The following WHAMM variants were observed in gnomAD, a reference collection of about 807,000 sequenced individuals.
WHAMM encodes WASP homolog-associated protein with actin, membranes and microtubules.
In WHAMM, 67 loss-of-function variants were observed where a neutral mutation model predicts 76.5. That is an observed-to-expected ratio of 0.88 (90% CI 0.72 to 1.07). The LOEUF is 1.07. Among genes scored for constraint, WHAMM ranks in the 50% least tolerant of loss-of-function variants. The pLI, the probability that WHAMM is intolerant of heterozygous loss-of-function variation, is 0.00. For synonymous variants in WHAMM, 419 were observed against 422.1 expected, an observed-to-expected ratio of 0.99 and a Z score of 0.09; for missense variants, 1,021 against 1,051.1, an observed-to-expected ratio of 0.97 and a Z score of 0.40.
chr15:82,822,865 T>C (rs935880850), intron 5 of WHAMM, among the ~76,000 whole-genome samples: 1 of 152,048 alleles, frequency 6.6e-6, no homozygotes, highest in African/African-American at 2.4e-5. Flanking sequence ...TACATGTATG[T>C]ATACATGCAT....
chr15:82,816,123 G>T (rs2050721989), intron 2 of WHAMM, among the ~76,000 whole-genome samples: 1 of 152,074 alleles, frequency 6.6e-6, no homozygotes, highest in Non-Finnish European at 1.5e-5. Flanking sequence ...TCCCATTCTT[G>T]AGGGTTCCAC....
At chr15:82,825,900 T>C (rs998345485) in intron 6 of WHAMM, among the ~76,000 whole-genome samples, 1 of 152,228 alleles carries the variant, frequency 6.6e-6, no homozygotes, top group Non-Finnish European at 1.5e-5. Context: ...CAATAAATGT[T>C]AGTATTATCT....
rs1195302138 is a variant in WHAMM at position 82,826,782 on chromosome 15, A to G, written c.1577A>G (p.Lys526Arg). ...KRDKIKEEEQ[K>R]KKEWINQERQ... is the part of the protein sequence containing the mutation. ...GACAAGATAAAAGAAGAGGAGCAAA[A>G]GAAAAAAGAATGGATCAACCAAGAA... The change falls in exon 8 of 10, where the codon AAG (lysine) becomes AGG (arginine). Residue 526 changes from lysine (K) to arginine (R), a missense_variant. Coordinates refer to ENST00000286760, the MANE Select transcript of WHAMM (RefSeq NM_001080435.3). The G allele has an allele frequency of 1.9e-6, 3 of 1,549,238 alleles. No individual in the cohort carries two copies. In the East Asian group the frequency reaches 7.3e-5, roughly 38 times the overall value.
chr15:82,826,435 T>A lies in WHAMM; in HGVS notation c.1484T>A (p.Phe495Tyr), dbSNP rs768100137. ...GATCAGTGCAAAGAAAATCATCGGT[T>A]CAGATTGCAACAGGCTGAAGAAAGC... ...RKDQCKENHR[F>Y]RLQQAEESIR... Residue 495 changes from phenylalanine to tyrosine, a missense_variant, in exon 7 of 10, where the codon TTC (phenylalanine) becomes TAC (tyrosine). Coordinates refer to ENST00000286760, the MANE Select transcript of WHAMM (RefSeq NM_001080435.3). The A allele has an allele frequency of 1.2e-6, 2 of 1,614,058 alleles. No individual in the cohort carries two copies. Among genetic ancestry groups the A allele is most frequent in the South Asian group, 2.2e-5 (2 of 91,092 alleles).
intron 6 of WHAMM, among the ~76,000 whole-genome samples, chr15:82,825,358 T>TTATA (rs566193318): frequency 1.3e-5 from 2 of 151,616 alleles, no homozygotes; most frequent in Non-Finnish European, 2.9e-5. Flanking sequence ...GCAGTGTTTT[T>TTATA]TATATATATA....
intron 8 of WHAMM, among the ~76,000 whole-genome samples, chr15:82,827,462 A>G (rs908640921): frequency 2.6e-5 from 4 of 152,158 alleles, no homozygotes; most frequent in African/African-American, 9.7e-5. Flanking sequence ...CTTTAAAAAA[A>G]GCTGCTATGA....
At chr15:82,818,798 C>G (rs1157108702) in intron 4 of WHAMM, among the ~76,000 whole-genome samples, 1 of 152,170 alleles carries the variant, frequency 6.6e-6, no homozygotes, top group Admixed American at 6.5e-5. Context: ...CTGGAAAGTC[C>G]AAGATCAAGG....
Position 82,833,622 on chromosome 15 carries a change from T to C in WHAMM, c.*86T>C. ...CCTATCGAAAAGCATACTAACAGGG[T>C]GCTGATAGATGGGCCACATAACACC... On this transcript the variant is annotated 3_prime_UTR_variant, in exon 10 of 10. Coordinates refer to ENST00000286760, the MANE Select transcript of WHAMM (RefSeq NM_001080435.3). 2.1e-6 allele frequency: 3 copies of C among 1,412,326 alleles called. No homozygotes were observed. Among genetic ancestry groups the C allele is most frequent in the Non-Finnish European group, 9.6e-7 (1 of 1,046,666 alleles). 87.5% of individuals were successfully genotyped at this position (1,412,326 alleles called of 1,614,324 possible).
In WHAMM at chr15:82,826,448, G is replaced by A. The variant is rs771797682; in HGVS notation, c.1497G>A (p.Gln499=). Residue 499 remains glutamine, a synonymous_variant, in exon 7 of 10, where the codon CAG becomes CAA. Transcript: ENST00000286760. ...AAAATCATCGGTTCAGATTGCAACA[G>A]GCTGAAGAAAGCATAAGATACTCTC... ...CKENHRFRLQ[Q]AEESIRYSRQ... 6.2e-7 allele frequency: 1 copy of A among 1,613,982 alleles called. No individual in the cohort carries two copies. Among genetic ancestry groups the A allele is most frequent in the Non-Finnish European group, 8.5e-7 (1 of 1,179,888 alleles).
Position 82,820,896 on chromosome 15 carries a change from C to CAAAAAAAAAA in WHAMM, c.1270+1423_1270+1432dup, listed in dbSNP as rs60974626. 1.8e-4 allele frequency among the ~76,000 whole-genome samples: 22 copies of CAAAAAAAAAA among 119,630 alleles called. 1 individual carries two copies. Among genetic ancestry groups the CAAAAAAAAAA allele is most frequent in the Non-Finnish European group, 2.1e-4 (12 of 56,628 alleles). 78.5% of individuals were successfully genotyped at this position (119,630 alleles called of 152,430 possible). A position where few individuals can be genotyped will look rare whatever the true frequency, so the allele number is the denominator to read the frequency against. ...GGCGGCAGAGTGTAAGACTCTGTCT[C>CAAAAAAAAAA]AAAAAAAAAAAAAAAAAAAAAAAAG... On this transcript the variant is annotated intron_variant, in intron 5 of 9. Transcript: ENST00000286760.
In WHAMM at chr15:82,813,120, A is replaced by T; in HGVS notation, c.627A>T (p.Gly209=). Residue 209 remains glycine, a synonymous_variant, in exon 2 of 10, where the codon GGA becomes GGT. Transcript: ENST00000286760. ...ARLRQVIQGH[G]KANTMVALMN... ...CTTTCTAGGTTATTCAAGGACACGG[A>T]AAAGCCAACACCATGGTAGCATTAA... 1 of 1,602,278 alleles carries T rather than the reference A, an allele frequency of 6.2e-7. No homozygotes were observed. Among genetic ancestry groups the T allele is most frequent in the Non-Finnish European group, 8.5e-7 (1 of 1,176,564 alleles).
Position 82,810,250 on chromosome 15 carries a change from G to C in WHAMM, c.524G>C (p.Gly175Ala), listed in dbSNP as rs1415189568. ...GACGCACTCTTCCCGGCTGAGGGCG[G>C]CGCGGCCGACTGCGAAAGCCCGCGC... is the stretch of plus-strand genomic sequence containing the variant. ...VRDALFPAEGGAADCESPREF... is the reference protein window; with the variant it reads ...VRDALFPAEGAAADCESPREF... The change falls in exon 1 of 10, where the codon GGC (glycine) becomes GCC (alanine). Residue 175 changes from glycine (G) to alanine (A), a missense_variant. Gly to Ala is a moderately conservative substitution (Grantham distance 60). This residue lies in a region of WHAMM where 501 missense variants were observed against 524.9 expected (regional missense o/e 0.95). Transcript: ENST00000286760. 3 of 1,392,088 alleles carry C rather than the reference G, an allele frequency of 2.2e-6. No homozygotes were observed. Among genetic ancestry groups the C allele is most frequent in the African/African-American group, 3.0e-5 (2 of 66,086 alleles). The allele number at this position is 1,392,088 out of a possible 1,614,324, so 86.2% of individuals were successfully genotyped here.
chr15:82,820,053 G>C (rs562894764), intron 5 of WHAMM, among the ~76,000 whole-genome samples: 1 of 151,882 alleles, frequency 6.6e-6, no homozygotes, highest in Non-Finnish European at 1.5e-5. Flanking sequence ...ATACTTCGTG[G>C]TAACAATTTG....
chr15:82,826,670 T>TTGCTGAGACATTTTTATTGTA, intron 7 of WHAMM, 81 bp from the exon 8 acceptor site: 1 of 1,530,760 alleles, frequency 6.5e-7, no homozygotes, highest in Non-Finnish European at 8.8e-7. Flanking sequence ...GCCTCTTTCT[T>TTGCTGAGACATTTTTATTGTA]TGCTGAGACA....
rs2051015413 is a variant in WHAMM, at chr15:82,830,825, C to T, written c.1868C>T (p.Pro623Leu). 1.2e-6 allele frequency: 2 copies of T among 1,602,898 alleles called. No homozygotes were observed. The highest frequency in any genetic ancestry group is 2.7e-5 in the African/African-American group (2 of 74,774). ...HGNIPVQVFV[P>L]VGDQTHSKSS... ...AATATCCCTGTCCAGGTTTTTGTTC[C>T]AGTTGGTGATCAAACACATTCCAAA... The change falls in exon 9 of 10, where the codon CCA becomes CTA. Residue 623 changes from proline (P) to leucine (L), a missense_variant. Transcript: ENST00000286760.
At chr15:82,810,401 C>T (rs1200139370) in intron 1 of WHAMM, 66 bp downstream of exon 1, 11 of 1,235,492 alleles carry the variant, frequency 8.9e-6, no homozygotes, top group Admixed American at 4.3e-5. Flanking sequence ...TGGGAGGCTC[C>T]CCCGGCGCCG....
At chr15:82,816,543 G>A (rs1036549185) in intron 2 of WHAMM, 149 bp from the exon 3 acceptor site, 15 of 679,066 alleles carry the variant, frequency 2.2e-5, no homozygotes, top group African/African-American at 3.7e-5. Context: ...TTATTCATAC[G>A]CAGTAAGGGA....
intron 1 of WHAMM, chr15:82,810,721 C>T (rs893524951): frequency 1.0e-6 from 1 of 985,284 alleles, no homozygotes; most frequent in African/African-American, 1.7e-5. Context: ...TAAGCAATTC[C>T]TGTGTATGAG....
At chr15:82,833,077 T>A (rs2051058327) in intron 9 of WHAMM, among the ~76,000 whole-genome samples, 152 bp from the exon 10 acceptor site, 1 of 152,262 alleles carries the variant, frequency 6.6e-6, no homozygotes, top group Admixed American at 6.5e-5. Context: ...GAGCTTATCG[T>A]TAGCACGTAA....
Sources: allele counts gnomAD v4.1 joint callset (sites outside exome capture counted in the v4.1 genomes callset), GRCh38; gene constraint gnomAD v4.1.1; regional missense constraint gnomAD v4.1.1; transcripts MANE v1.5; gene names NCBI Gene and HGNC (gene_info 2026-07-23, HGNC 2026-07-21).